The following PTRH1 variants were observed in gnomAD, a reference collection of about 807,000 sequenced individuals.
PTRH1 encodes peptidyl-tRNA hydrolase 1 homolog.
PTRH1 carries 13 observed loss-of-function variants against 15.7 expected under a neutral mutation model. The observed-to-expected ratio is 0.83, with a 90% CI of 0.54 to 1.31. PTRH1 has a LOEUF of 1.31. Ranked by LOEUF, PTRH1 falls within the 40% of genes most tolerant of loss-of-function variation. PTRH1 has a pLI of 0.00. For synonymous variants in PTRH1, 139 were observed against 136.7 expected (o/e 1.02, Z -0.12); for missense variants, 319 against 296.2 (o/e 1.08, Z -0.56).
intron 1 of PTRH1, among the ~76,000 whole-genome samples, chr9:127,703,588 G>A (rs776139431): frequency 5.9e-5 from 9 of 152,230 alleles, no homozygotes; most frequent in Non-Finnish European, 1.3e-4. Context: ...TGTGACAAAA[G>A]TGAGTCCCCT....
In PTRH1 at chr9:127,705,893, C is replaced by T. The variant is rs562176415; in HGVS notation, c.205+9542G>A. Among the ~76,000 whole-genome samples, 1 of 152,368 alleles carries T rather than the reference C, an allele frequency of 6.6e-6. No homozygotes were observed. The highest frequency in any genetic ancestry group is 2.1e-4 in the South Asian group (1 of 4,826). Reference sequence around the variant, plus strand: ...TCCCTCTGCCAGTCACATTTGTGCCCTCCCAGGGCTGCCCTGCCTGCAGGG... The same window carrying T: ...TCCCTCTGCCAGTCACATTTGTGCCTTCCCAGGGCTGCCCTGCCTGCAGGG... On this transcript the variant is annotated intron_variant, in intron 1 of 2. Coordinates refer to the PTRH1 transcript ENST00000335223. The surrounding 1 kb of genome is among the most constrained non-coding windows in gnomAD (Gnocchi z 4.7).
At position 127,714,393 on chromosome 9, in the gene PTRH1, A is replaced by G; in HGVS notation, c.448T>C (p.Cys150Arg). The G allele has an allele frequency of 6.2e-7, 1 of 1,614,240 alleles. No individual in the cohort carries two copies. Among genetic ancestry groups the G allele is most frequent in the East Asian group, 2.2e-5 (1 of 44,890 alleles). Residue 150 changes from cysteine (C) to arginine (R), a missense_variant, in exon 4 of 5, where the codon TGC becomes CGC. Transcript: ENST00000543175. ...GHNGVRSCIS[C>R]LNSNAMPRLR... ...GGTAGACTCACATTGGAGTTGAGGC[A>G]GCTAATGCAGGAACGGACTCCATTG...
At position 127,714,956 on chromosome 9, in the gene PTRH1, C is replaced by T; in HGVS notation, c.316+19G>A. 7.6e-7 allele frequency: 1 copy of T among 1,311,540 alleles called. No individual in the cohort carries two copies. Among genetic ancestry groups the T allele is most frequent in the Non-Finnish European group, 1.0e-6 (1 of 986,058 alleles). The allele number at this position is 1,311,540 out of a possible 1,614,324, so 81.2% of individuals were successfully genotyped here. On this transcript the variant is annotated intron_variant, in intron 2 of 4. Transcript: ENST00000543175. ...CACCCCCTTGGCCCGCCCGCCCACC[C>T]CTGGCGCTCTCAACTCACCAGCCCG...
chr9:127,696,688 C>T (rs1263554157), intron 1 of PTRH1, among the ~76,000 whole-genome samples: 6 of 151,988 alleles, frequency 3.9e-5, no homozygotes, highest in African/African-American at 1.2e-4. Context: ...GGTGAAACCC[C>T]GTCTCTACTA....
rs960230739 is a variant in PTRH1 at position 127,714,380 on chromosome 9, T to C, written c.461A>G (p.Asn154Ser). 2.5e-6 allele frequency: 4 copies of C among 1,614,054 alleles called. No individual in the cohort carries two copies. The African/African-American group carries it at 5.3e-5, about 22-fold the overall frequency. Residue 154 changes from asparagine to serine, a missense_variant and splice_region_variant, in exon 4 of 5, where the codon AAT becomes AGT. By Grantham distance (46) the Asn-to-Ser change is conservative (BLOSUM62 1). Transcript: ENST00000543175. The stretch of plus-strand genomic sequence containing the variant: ...TGCACAACAAAAGGGTAGACTCACA[T>C]TGGAGTTGAGGCAGCTAATGCAGGA... ...VRSCISCLNS[N>S]AMPRLRVGIG...
chr9:127,707,111 T>TGG, intron 1 of PTRH1: 1 of 1,613,828 alleles, frequency 6.2e-7, no homozygotes, highest in Non-Finnish European at 8.5e-7. Flanking sequence ...GAGCCGGTGG[T>TGG]GGCCGTGGAG....
At chr9:127,701,987 C>T (rs1331358793) in intron 1 of PTRH1, among the ~76,000 whole-genome samples, 4 of 151,742 alleles carry the variant, frequency 2.6e-5, no homozygotes, top group Non-Finnish European at 5.9e-5. Flanking sequence ...CTTGAGAGGC[C>T]GAAGCAGGAG....
rs1421112587 is a variant in PTRH1 at position 127,696,997 on chromosome 9, AAG to A, written c.206-1858_206-1857del. ...TACACAAGCAGCAAAAAAGAAGAAA[AAG>A]AGTGGAAATAAAGTGGTACAATAAA... On this transcript the variant is annotated intron_variant, in intron 1 of 2. Transcript: ENST00000335223. 4.6e-5 allele frequency among the ~76,000 whole-genome samples: 7 copies of A among 152,232 alleles called. No individual in the cohort carries two copies. The East Asian group carries it at 5.8e-4, about 13-fold the overall frequency.
In PTRH1 at chr9:127,714,225, C is replaced by A; in HGVS notation, c.520G>T (p.Ala174Ser). 3 of 1,613,900 alleles carry A rather than the reference C, an allele frequency of 1.9e-6. No homozygotes were observed. Among genetic ancestry groups the A allele is most frequent in the Non-Finnish European group, 2.5e-6 (3 of 1,179,996 alleles). Reference protein sequence around the residue: ...GRPAHPEAVQAHVLGCFSPAE... With the variant: ...GRPAHPEAVQSHVLGCFSPAE... Reference sequence around the variant, plus strand: ...GGGGAGAAGCAGCCCAGCACATGGGCCTGAACCGCCTCAGGGTGCGCCGGG... The same window carrying A: ...GGGGAGAAGCAGCCCAGCACATGGGACTGAACCGCCTCAGGGTGCGCCGGG... Residue 174 changes from alanine (A) to serine (S), a missense_variant, in exon 5 of 5, where the codon GCC becomes TCC. Physicochemically the swap from Ala to Ser is moderately conservative, Grantham distance 99. Transcript: ENST00000543175.
Position 127,697,439 on chromosome 9 carries a change from C to T in PTRH1, c.206-2298G>A, listed in dbSNP as rs112553128. Among the ~76,000 whole-genome samples, 691 of 152,214 alleles carry T rather than the reference C, an allele frequency of 4.5e-3. 6 individuals are homozygous for T. Among genetic ancestry groups the T allele is most frequent in the African/African-American group, 0.016 (655 of 41,512 alleles). ...CTTTGGGAGGCCGAGGTGGGCGGAT[C>T]GCCTGAGGTCAGGAGTTCAAGACCA... On this transcript the variant is annotated intron_variant, in intron 1 of 2. Coordinates refer to the PTRH1 transcript ENST00000335223.
At chr9:127,694,637 C>T (rs145713907) in intron 2 of PTRH1, among the ~76,000 whole-genome samples, 68 of 151,972 alleles carry the variant, frequency 4.5e-4, no homozygotes, top group African/African-American at 1.5e-3. Context: ...GGAACAAATG[C>T]TTGGTGTCAT....
At chr9:127,701,369 T>C (rs1078404) in intron 1 of PTRH1, among the ~76,000 whole-genome samples, 36,182 of 152,096 alleles carry the variant, frequency 0.24, 6,957 homozygotes, top group African/African-American at 0.53. Context: ...CCAACACACA[T>C]GGGGCCACTC....
chr9:127,714,653 C>T lies in PTRH1; in HGVS notation c.366G>A (p.Glu122=), dbSNP rs1488913109. ...CCAGTCTCCCCAGGGGCTTGTCCAGCTCATCATGCACCAGGTAGACTTCCT... is the reference window on the plus strand; with the variant it reads ...CCAGTCTCCCCAGGGGCTTGTCCAGTTCATCATGCACCAGGTAGACTTCCT... ...TAEEVYLVHD[E]LDKPLGRLAL... is the part of the protein sequence containing the mutation. Residue 122 remains glutamate (E), a synonymous_variant, in exon 3 of 5, where the codon GAG becomes GAA. Transcript: ENST00000543175. 5 of 1,613,932 alleles carry T rather than the reference C, an allele frequency of 3.1e-6. No individual in the cohort carries two copies. The East Asian group carries it at 1.1e-4, about 36-fold the overall frequency.
chr9:127,712,046 C>T (rs1842778190), downstream of PTRH1: 1 of 1,513,752 alleles, frequency 6.6e-7, no homozygotes, highest in African/African-American at 1.4e-5. Context: ...CCAGTGACTT[C>T]CCCTCTCTAG....
intron 1 of PTRH1, chr9:127,695,552 C>G (rs1416074685): frequency 1.2e-5 from 2 of 168,334 alleles, no homozygotes; most frequent in East Asian, 3.5e-4. Flanking sequence ...TTAGGTACAT[C>G]TGAAGCCTGT....
At chr9:127,698,013 G>A (rs1842575409) in intron 1 of PTRH1, among the ~76,000 whole-genome samples, 1 of 152,112 alleles carries the variant, frequency 6.6e-6, no homozygotes, top group African/African-American at 2.4e-5. Context: ...TCTCAGAGTG[G>A]GAAAAAACTG....
At chr9:127,710,713 T>C (rs532840158), downstream of PTRH1, 29 of 1,572,958 alleles carry the variant, frequency 1.8e-5, no homozygotes, top group African/African-American at 2.6e-4. Flanking sequence ...TCAGGGACTA[T>C]GCATACAACC....
rs1281444363 is a variant in PTRH1 at position 127,715,309 on chromosome 9, G to A, written c.97-115C>T. On this transcript the variant is annotated intron_variant, in intron 1 of 4. Coordinates refer to ENST00000543175, the MANE Select transcript of PTRH1 (RefSeq NM_001002913.3). The surrounding 1 kb of genome is among the most constrained non-coding windows in gnomAD (Gnocchi z 5.8). The stretch of plus-strand genomic sequence containing the variant: ...AAACGCAGAGCAACGCTGCAGTGGG[G>A]AAGGGGCGCGAAGAAGGGGCCCAGA... The A allele has an allele frequency of 7.6e-7, 1 of 1,321,864 alleles. No homozygotes were observed. The highest frequency in any genetic ancestry group is 1.1e-6 in the Non-Finnish European group (1 of 951,520). 81.9% of individuals were successfully genotyped at this position (1,321,864 alleles called of 1,614,324 possible). A position where few individuals can be genotyped will look rare whatever the true frequency, so the allele number is the denominator to read the frequency against.
chr9:127,708,527 T>G (rs1462246978), intron 1 of PTRH1, among the ~76,000 whole-genome samples: 2 of 152,212 alleles, frequency 1.3e-5, no homozygotes, highest in Non-Finnish European at 2.9e-5. Context: ...TTCAAGTAAC[T>G]TCAGTTACTC....
Sources: gnomAD v4.1 joint callset for allele counts (sites outside exome capture counted in the v4.1 genomes callset) on GRCh38, gnomAD v4.1.1 for gene constraint, Gnocchi (gnomAD v3.1) non-coding constraint, MANE v1.5 for transcripts, NCBI Gene and HGNC (gene_info 2026-07-23, HGNC 2026-07-21) for gene names.